ST7: variants seen among roughly 807,000 people sequenced by gnomAD.
The protein encoded by ST7 is suppression of tumorigenicity 7, also known as suppressor of tumorigenicity 7 protein.
ST7 carries 28 observed loss-of-function variants against 78.7 expected under a neutral mutation model. That is an observed-to-expected ratio of 0.36 (90% confidence interval 0.26 to 0.49). The LOEUF (loss-of-function observed/expected upper bound fraction) is 0.49, where lower values mean the gene tolerates loss of function less well. Among genes scored for constraint, ST7 ranks in the 20% least tolerant of loss-of-function variants. The pLI, the probability that ST7 is intolerant of heterozygous loss-of-function variation, is 0.99. For missense variants in ST7, 418 were observed against 696.0 expected (o/e 0.60, Z 4.49); for synonymous variants, 247 against 249.6 (o/e 0.99, Z 0.10).
chr7:117,093,587 G>C (rs1266665392), intron 1 of ST7, among the ~76,000 whole-genome samples: 3 of 152,112 alleles, frequency 2.0e-5, no homozygotes, highest in East Asian at 3.9e-4. Context: ...TGTAATCCCA[G>C]CTACTTGGGA....
intron 1 of ST7, among the ~76,000 whole-genome samples, chr7:116,973,131 G>T (rs977063197): frequency 6.6e-6 from 1 of 150,790 alleles, no homozygotes; most frequent in Non-Finnish European, 1.5e-5. Context: ...CTGCTGCTTG[G>T]CTTCTGTGTT....
intron 1 of ST7, among the ~76,000 whole-genome samples, chr7:116,971,859 A>G (rs973856092): frequency 6.6e-6 from 1 of 152,230 alleles, no homozygotes; most frequent in Non-Finnish European, 1.5e-5. Flanking sequence ...TGGTTGCTAC[A>G]AAGCAACAAA....
chr7:117,152,954 A>C (rs1806408534), intron 9 of ST7, among the ~76,000 whole-genome samples: 1 of 152,132 alleles, frequency 6.6e-6, no homozygotes, highest in Non-Finnish European at 1.5e-5. Context: ...TTTTTCGGTA[A>C]TGGAGAGACA....
In ST7 at chr7:117,060,354, C is replaced by T. The variant is rs181428504; in HGVS notation, c.152-39408C>T. On this transcript the variant is annotated intron_variant, in intron 1 of 15. Transcript: ENST00000323984. ...ATCAGGTAACTCATGACTGCAAAGC[C>T]GTAATTATAGAAACATTTCGCTTAT... is the stretch of plus-strand genomic sequence containing the variant. 2.8e-3 allele frequency among the ~76,000 whole-genome samples: 432 copies of T among 152,212 alleles called. 1 individual carries two copies. Among genetic ancestry groups the T allele is most frequent in the Non-Finnish European group, 4.6e-3 (310 of 68,026 alleles).
At chr7:117,045,134 C>T (rs1378264043) in intron 1 of ST7, among the ~76,000 whole-genome samples, 1 of 152,022 alleles carries the variant, frequency 6.6e-6, no homozygotes, top group South Asian at 2.1e-4. Context: ...TCCAAGACAC[C>T]GTCTTCTGCC....
intron 10 of ST7, among the ~76,000 whole-genome samples, chr7:117,183,766 C>A (rs951540254): frequency 2.0e-5 from 3 of 152,152 alleles, no homozygotes; most frequent in African/African-American, 7.2e-5. Context: ...GTTACATATC[C>A]CTGAGAAATG....
chr7:116,970,108 A>G (rs1793340748), intron 1 of ST7, among the ~76,000 whole-genome samples: 1 of 152,110 alleles, frequency 6.6e-6, no homozygotes, highest in African/African-American at 2.4e-5. Context: ...AAAACAAAAC[A>G]AAAACAACAA....
At chr7:117,022,861 G>T (rs897757492) in intron 1 of ST7, 7 of 152,064 alleles carry the variant, frequency 4.6e-5, no homozygotes, top group African/African-American at 1.7e-4. Context: ...TTAAGTCTAG[G>T]TGTGCAGCTC....
chr7:117,002,308 G>A (rs1794968684), intron 1 of ST7, among the ~76,000 whole-genome samples: 1 of 151,866 alleles, frequency 6.6e-6, no homozygotes, highest in African/African-American at 2.4e-5. Flanking sequence ...GTCCAGGTTG[G>A]TCTTGATCTC....
Position 117,006,729 on chromosome 7 carries a change from A to G in ST7, c.151+53038A>G, listed in dbSNP as rs1795171646. Reference sequence around the variant, plus strand: ...AATTGAAGGTTTGTGGCAACCCTGCATTGAGCATCTGTCGTGCCATTTTTC... The same window carrying G: ...AATTGAAGGTTTGTGGCAACCCTGCGTTGAGCATCTGTCGTGCCATTTTTC... On this transcript the variant is annotated intron_variant, in intron 1 of 15. Coordinates refer to ENST00000323984, the MANE Select transcript of ST7 (RefSeq NM_001369598.1). 3.3e-5 allele frequency among the ~76,000 whole-genome samples: 5 copies of G among 152,222 alleles called. No homozygotes were observed. In the South Asian group the frequency reaches 1.0e-3, roughly 32 times the overall value.
chr7:117,109,250 T>A (rs1026164184), intron 2 of ST7, among the ~76,000 whole-genome samples: 1 of 152,204 alleles, frequency 6.6e-6, no homozygotes, highest in African/African-American at 2.4e-5. Context: ...ATGGCTTTTA[T>A]TACCTTAAGT....
chr7:117,166,904 C>A (rs1490997696), intron 9 of ST7, among the ~76,000 whole-genome samples: 1 of 148,100 alleles, frequency 6.8e-6, no homozygotes, highest in Non-Finnish European at 1.5e-5. Context: ...AAAAAAAAAG[C>A]CTTTATGACA....
At position 117,229,829 on chromosome 7, in the gene ST7, G is replaced by A. The variant is rs1793676399; in HGVS notation, c.1706G>A (p.Ser569Asn). The A allele has an allele frequency of 6.2e-7, 1 of 1,614,044 alleles. No individual in the cohort carries two copies. Among genetic ancestry groups the A allele is most frequent in the South Asian group, 1.1e-5 (1 of 91,072 alleles). The change falls in exon 16 of 16, where the codon AGT becomes AAT. Residue 569 changes from serine to asparagine, a missense_variant. Physicochemically the swap from Ser to Asn is conservative, Grantham distance 46. Transcript: ENST00000323984. ...AAAGTGGAGAGCATCCTCCCATCCA[G>A]TCTGTGGCACCAGCTAACACGGATC... ...MEKVESILPSSLWHQLTRI is the reference protein window; with the variant it reads ...MEKVESILPSNLWHQLTRI
chr7:117,127,038 G>A (rs971950650), intron 3 of ST7, among the ~76,000 whole-genome samples: 8 of 151,790 alleles, frequency 5.3e-5, no homozygotes, highest in African/African-American at 1.9e-4. Flanking sequence ...TGTATCAAGG[G>A]TATATTTTTA....
At chr7:117,104,167 G>A (rs1336900879) in intron 2 of ST7, among the ~76,000 whole-genome samples, 1 of 152,126 alleles carries the variant, frequency 6.6e-6, no homozygotes, top group African/African-American at 2.4e-5. Context: ...TGTGGTAGGT[G>A]CAGTGGCTCA....
At chr7:117,146,690 A>G (rs986706523) in intron 9 of ST7, among the ~76,000 whole-genome samples, 6 of 152,224 alleles carry the variant, frequency 3.9e-5, no homozygotes, top group Non-Finnish European at 2.9e-5. Flanking sequence ...CTAATTAATC[A>G]GATATGCAGT....
At chr7:117,208,915 GT>G (rs1469056368) in intron 12 of ST7, among the ~76,000 whole-genome samples, 2 of 149,618 alleles carry the variant, frequency 1.3e-5, no homozygotes, top group East Asian at 2.0e-4. Context: ...GTGTGTGTGT[GT>G]GTGTGTGTGT....
chr7:117,096,729 A>G (rs1801074649), intron 1 of ST7, among the ~76,000 whole-genome samples: 1 of 152,266 alleles, frequency 6.6e-6, no homozygotes, highest in South Asian at 2.1e-4. Flanking sequence ...AGGTTGAAAT[A>G]GCAAGTACCA....
intron 1 of ST7, chr7:116,972,182 C>A: frequency 1.8e-6 from 1 of 556,076 alleles, no homozygotes; most frequent in South Asian, 1.4e-5. Flanking sequence ...TCATTCAGGT[C>A]AAGCAGAGTC....
Sources: allele counts gnomAD v4.1 joint callset (sites outside exome capture counted in the v4.1 genomes callset), GRCh38; gene constraint gnomAD v4.1.1; transcripts MANE v1.5; gene names NCBI Gene and HGNC (gene_info 2026-07-23, HGNC 2026-07-21).